SH3D19: variants seen among roughly 807,000 people sequenced by gnomAD.
SH3D19 encodes the protein SH3 domain containing 19, also known as SH3 domain-containing protein 19.
SH3D19 carries 58 observed loss-of-function variants against 112.1 expected under a neutral mutation model. That is an observed-to-expected ratio of 0.52 (90% CI 0.42 to 0.64). SH3D19 has a LOEUF of 0.64. Among genes scored for constraint, SH3D19 ranks in the 30% least tolerant of loss-of-function variants. The pLI, the probability that SH3D19 is intolerant of heterozygous loss-of-function variation, is 0.00. For synonymous variants in SH3D19, 391 were observed against 448.5 expected, an observed-to-expected ratio of 0.87 and a Z score of 1.62; for missense variants, 1,090 against 1,263.4, an observed-to-expected ratio of 0.86 and a Z score of 2.08.
intron 2 of SH3D19, among the ~76,000 whole-genome samples, chr4:151,208,221 T>C (rs1450746747): frequency 2.6e-5 from 4 of 152,214 alleles, no homozygotes; most frequent in East Asian, 3.8e-4. Flanking sequence ...GAGGCTTCCA[T>C]AATGAAAAGA....
At chr4:151,219,102 C>G (rs1477831206) in intron 2 of SH3D19, among the ~76,000 whole-genome samples, 1 of 152,184 alleles carries the variant, frequency 6.6e-6, no homozygotes, top group East Asian at 1.9e-4. Context: ...GATTCTGAAA[C>G]TTTTCCTAGT....
At chr4:151,224,515 T>C (rs1028866714) in intron 2 of SH3D19, among the ~76,000 whole-genome samples, 2 of 152,242 alleles carry the variant, frequency 1.3e-5, no homozygotes, top group Non-Finnish European at 2.9e-5. Flanking sequence ...TATCTTTTTA[T>C]GTTCCACTGG....
chr4:151,319,265 G>A (rs2126403196), intron 1 of SH3D19, among the ~76,000 whole-genome samples: 1 of 152,312 alleles, frequency 6.6e-6, no homozygotes, highest in East Asian at 1.9e-4. Context: ...GGCCAGGCTG[G>A]TCTCGAACTC....
intron 1 of SH3D19, among the ~76,000 whole-genome samples, chr4:151,268,883 T>C (rs1404695247): frequency 3.9e-5 from 6 of 152,204 alleles, no homozygotes; most frequent in Middle Eastern, 6.8e-3. Flanking sequence ...CTATTGAGAA[T>C]AGTGCCACAA....
At chr4:151,192,216 C>G (rs866335674) in intron 2 of SH3D19, among the ~76,000 whole-genome samples, 2 of 152,166 alleles carry the variant, frequency 1.3e-5, no homozygotes, top group Admixed American at 1.3e-4. Context: ...GGATTACAGG[C>G]GTGAGCCACC....
At chr4:151,174,511 G>T (rs532810769) in intron 7 of SH3D19, among the ~76,000 whole-genome samples, 159 bp downstream of exon 7, 6 of 152,116 alleles carry the variant, frequency 3.9e-5, no homozygotes, top group Non-Finnish European at 7.4e-5. Flanking sequence ...TTCTTGATCT[G>T]TCTGTTCATT....
At chr4:151,300,990 G>A (rs1294171897) in intron 1 of SH3D19, among the ~76,000 whole-genome samples, 1 of 152,184 alleles carries the variant, frequency 6.6e-6, no homozygotes. Flanking sequence ...GGCAACTTGT[G>A]GTGTCTGTCA....
intron 1 of SH3D19, among the ~76,000 whole-genome samples, chr4:151,247,070 ACTTTT>A (rs1770997705): frequency 1.3e-5 from 2 of 152,254 alleles, no homozygotes; most frequent in Admixed American, 1.3e-4. Flanking sequence ...TTTGTGTATT[ACTTTT>A]CTTATTTTTC....
chr4:151,223,997 A>C (rs1313959824), intron 2 of SH3D19, among the ~76,000 whole-genome samples: 1 of 152,192 alleles, frequency 6.6e-6, no homozygotes, highest in Non-Finnish European at 1.5e-5. Flanking sequence ...TGTGGACCCC[A>C]AATTGAACAG....
At chr4:151,225,826 G>C (rs923925219) in intron 2 of SH3D19, among the ~76,000 whole-genome samples, 1 of 152,146 alleles carries the variant, frequency 6.6e-6, no homozygotes, top group East Asian at 1.9e-4. Flanking sequence ...ATCTGTCACT[G>C]ATGGGAATTC....
At chr4:151,234,526 T>C (rs1769857651) in intron 1 of SH3D19, among the ~76,000 whole-genome samples, 1 of 152,108 alleles carries the variant, frequency 6.6e-6, no homozygotes, top group Non-Finnish European at 1.5e-5. Flanking sequence ...TTCCTGCTGC[T>C]CCCTCCTTAA....
At chr4:151,183,820 G>A (rs1285769163) in intron 3 of SH3D19, among the ~76,000 whole-genome samples, 1 of 152,186 alleles carries the variant, frequency 6.6e-6, no homozygotes, top group African/African-American at 2.4e-5. Flanking sequence ...ATGATAACAA[G>A]AACGTCTGTG....
At chr4:151,300,031 A>G (rs1457768199) in intron 1 of SH3D19, among the ~76,000 whole-genome samples, 1 of 151,964 alleles carries the variant, frequency 6.6e-6, no homozygotes, top group East Asian at 1.9e-4. Context: ...GAGAAACCCC[A>G]TGTCTACTAA....
rs773736243 is a variant in SH3D19, at chr4:151,175,068, G to A, written c.1136C>T (p.Thr379Ile). ...PLQEAGSIPV[T>I]KPELPKKPNP... Reference sequence around the variant, plus strand: ...TGGTTTCTTTGGCAATTCAGGTTTGGTTACTGGGATGCTTCCCGCTTCTTG... The same window carrying A: ...TGGTTTCTTTGGCAATTCAGGTTTGATTACTGGGATGCTTCCCGCTTCTTG... The change falls in exon 7 of 20, where the codon ACC becomes ATC. Residue 379 changes from threonine to isoleucine, a missense_variant. Physicochemically the swap from Thr to Ile is moderately conservative, Grantham distance 89 (BLOSUM62 -1). Coordinates refer to ENST00000604030, the MANE Select transcript of SH3D19 (RefSeq NM_001378122.1). 2 of 1,614,024 alleles carry A rather than the reference G, an allele frequency of 1.2e-6. No homozygotes were observed. Among genetic ancestry groups the A allele is most frequent in the African/African-American group, 2.7e-5 (2 of 74,900 alleles).
At chr4:151,219,738 G>A (rs1316262758) in intron 2 of SH3D19, among the ~76,000 whole-genome samples, 1 of 152,044 alleles carries the variant, frequency 6.6e-6, no homozygotes, top group Non-Finnish European at 1.5e-5. Flanking sequence ...TGTCACCTAC[G>A]TGCACTGCAC....
At chr4:151,244,334 T>C (rs1770777927) in intron 1 of SH3D19, among the ~76,000 whole-genome samples, 1 of 152,190 alleles carries the variant, frequency 6.6e-6, no homozygotes, top group Non-Finnish European at 1.5e-5. Flanking sequence ...CCTTTAGATT[T>C]TAGAGAAATT....
intron 2 of SH3D19, among the ~76,000 whole-genome samples, chr4:151,218,405 T>C (rs1459646704): frequency 6.6e-6 from 1 of 152,084 alleles, no homozygotes; most frequent in Non-Finnish European, 1.5e-5. Context: ...ATTATGAAAC[T>C]ATGCAGAGTT....
chr4:151,156,473 G>C (rs1370568203), intron 9 of SH3D19, among the ~76,000 whole-genome samples: 1 of 152,138 alleles, frequency 6.6e-6, no homozygotes. Flanking sequence ...CATAATAACA[G>C]ACACACAGGC....
At position 151,184,407 on chromosome 4, in the gene SH3D19, G is replaced by A. The variant is rs190552806; in HGVS notation, c.193+3016C>T. On this transcript the variant is annotated intron_variant, in intron 3 of 19. Coordinates refer to ENST00000604030, the MANE Select transcript of SH3D19 (RefSeq NM_001378122.1). The stretch of plus-strand genomic sequence containing the variant: ...GAATGGCACAATTGTTACTCATTCT[G>A]TATTTATATGTTATCATGAAAGGAT... Among the ~76,000 whole-genome samples, 375 of 152,272 alleles carry A rather than the reference G, an allele frequency of 2.5e-3. 1 individual carries two copies. The highest frequency in any genetic ancestry group is 6.0e-3 in the Admixed American group (92 of 15,302).
Sources: gnomAD v4.1 joint callset for allele counts (sites outside exome capture counted in the v4.1 genomes callset) on GRCh38, gnomAD v4.1.1 for gene constraint, MANE v1.5 for transcripts, NCBI Gene and HGNC (gene_info 2026-07-23, HGNC 2026-07-21) for gene names.